The following AHNAK variants were observed in gnomAD, a reference collection of about 807,000 sequenced individuals.
The protein encoded by AHNAK is neuroblast differentiation-associated protein AHNAK.
In AHNAK, 23 loss-of-function variants were observed where a neutral mutation model predicts 37.8. That is an observed-to-expected ratio of 0.61 (90% CI 0.44 to 0.86). AHNAK has a LOEUF of 0.86. AHNAK is among the 40% of genes least tolerant of loss of function. The pLI is 0.00. For synonymous variants in AHNAK, 2,481 were observed against 2,636.3 expected, an observed-to-expected ratio of 0.94 and a Z score of 1.80; for missense variants, 7,411 against 7,319.4, an observed-to-expected ratio of 1.01 and a Z score of -0.46.
intron 3 of AHNAK, among the ~76,000 whole-genome samples, 175 bp from the exon 4 acceptor site, chr11:62,535,365 G>A (rs139285207): frequency 3.1e-4 from 47 of 152,208 alleles, no homozygotes; most frequent in African/African-American, 1.1e-3. Flanking sequence ...CCAATTTGTG[G>A]GGGCCAGGTG....
At chr11:62,510,043 GTTTTGTTTGT>G (rs1317589826) in intron 4 of AHNAK, among the ~76,000 whole-genome samples, 1 of 149,922 alleles carries the variant, frequency 6.7e-6, no homozygotes, top group East Asian at 2.0e-4. Context: ...TTGTATTGGA[GTTTTGTTTGT>G]TTGTTTGTTT....
intron 5 of AHNAK, among the ~76,000 whole-genome samples, chr11:62,478,867 A>ATTTT (rs1231686220): frequency 6.6e-6 from 1 of 151,058 alleles, no homozygotes; most frequent in African/African-American, 2.4e-5. Context: ...TGTTTCACTA[A>ATTTT]TTTTTTTTGT....
rs778703548 is a variant in AHNAK, at chr11:62,521,421, C to T, written c.12996G>A (p.Glu4332=). 43 of 1,613,798 alleles carry T rather than the reference C, an allele frequency of 2.7e-5. No homozygotes were observed. The highest frequency in any genetic ancestry group is 3.5e-5 in the Non-Finnish European group (41 of 1,180,000). The stretch of plus-strand genomic sequence containing the variant: ...GAAGGGTAACATCCACATCTGGGCC[C>T]TCTCCTTTGAATCCTGGCATGCTGA... The part of the protein sequence containing the change: ...PKFSMPGFKG[E]GPDVDVTLPK... Residue 4332 remains glutamate, a synonymous_variant, in exon 5 of 5, where the codon GAG becomes GAA. Transcript: ENST00000378024.
chr11:62,497,033 G>A (rs1350837702), intron 4 of AHNAK, among the ~76,000 whole-genome samples: 2 of 152,144 alleles, frequency 1.3e-5, no homozygotes, highest in Non-Finnish European at 2.9e-5. Context: ...CTTTTAAAAT[G>A]TACTTATCTG....
intron 5 of AHNAK, among the ~76,000 whole-genome samples, chr11:62,473,388 T>TA (rs34585695): frequency 1.0e-3 from 33 of 31,842 alleles, no homozygotes; most frequent in East Asian, 6.2e-3. Context: ...AGACTCCATC[T>TA]AAAAAAAAAA....
intron 1 of AHNAK, among the ~76,000 whole-genome samples, chr11:62,539,070 G>A (rs1164030140): frequency 6.6e-6 from 1 of 152,174 alleles, no homozygotes; most frequent in East Asian, 1.9e-4. Context: ...GAGCCTCTGG[G>A]CTCAGGTGCA....
In AHNAK at chr11:62,529,190, C is replaced by T. The variant is rs1555035723; in HGVS notation, c.5227G>A (p.Val1743Met). 35 of 1,614,116 alleles carry T rather than the reference C, an allele frequency of 2.2e-5. 1 individual carries two copies. In the Admixed American group the frequency reaches 5.8e-4, roughly 27 times the overall value. Residue 1743 changes from valine (V) to methionine (M), a missense_variant, in exon 5 of 5, where the codon GTG becomes ATG. Transcript: ENST00000378024. Reference protein sequence around the residue: ...DVNLPKADIDVSGPSVDTDAP... With the variant: ...DVNLPKADIDMSGPSVDTDAP... Reference sequence around the variant, plus strand: ...TCAGTGTCCACACTGGGTCCAGACACATCAATGTCAGCCTTTGGCAGATTC... The same window carrying T: ...TCAGTGTCCACACTGGGTCCAGACATATCAATGTCAGCCTTTGGCAGATTC...
intron 5 of AHNAK, among the ~76,000 whole-genome samples, chr11:62,476,643 A>C (rs185885790): frequency 6.6e-6 from 1 of 152,318 alleles, no homozygotes; most frequent in East Asian, 1.9e-4. Flanking sequence ...AACAAACAAA[A>C]AAAAACATCA....
At chr11:62,497,670 CT>C (rs1939634435) in intron 4 of AHNAK, among the ~76,000 whole-genome samples, 1 of 152,128 alleles carries the variant, frequency 6.6e-6, no homozygotes, top group African/African-American at 2.4e-5. Context: ...ATCATAGAAA[CT>C]GGTAATAGGC....
chr11:62,510,255 G>A (rs1939886220), intron 4 of AHNAK, among the ~76,000 whole-genome samples: 1 of 151,682 alleles, frequency 6.6e-6, no homozygotes, highest in East Asian at 2.0e-4. Context: ...ATGTTGGCCA[G>A]GCTGGTCTGG....
At chr11:62,496,839 G>A (rs919769116) in intron 4 of AHNAK, among the ~76,000 whole-genome samples, 1 of 149,886 alleles carries the variant, frequency 6.7e-6, no homozygotes, top group Non-Finnish European at 1.5e-5. Context: ...AGAAAGGAAG[G>A]AAGGAAGAAA....
chr11:62,531,152 CAG>C lies in AHNAK; in HGVS notation c.3263_3264del (p.Ser1088CysfsTer7). 6.2e-7 allele frequency: 1 copy of C among 1,614,122 alleles called. No individual in the cohort carries two copies. Among genetic ancestry groups the C allele is most frequent in the Non-Finnish European group, 8.5e-7 (1 of 1,180,006 alleles). On this transcript the variant is annotated frameshift_variant, in exon 5 of 5. Transcript: ENST00000378024. LOFTEE classifies it low-confidence loss of function (END_TRUNC). Reference protein sequence around the residue: ...GPKMKGNVDISAPKIEGEMQV... With the variant: ...GPKMKGNVDIXAPKIEGEMQV... ...TGCATTTCACCCTCTATCTTTGGTGCAGAGATATCTACATTTCCTTTCATTTT... is the reference window on the plus strand; with the variant it reads ...TGCATTTCACCCTCTATCTTTGGTGCAGATATCTACATTTCCTTTCATTTT...
intron 5 of AHNAK, among the ~76,000 whole-genome samples, chr11:62,474,570 G>C (rs1013559432): frequency 6.9e-6 from 1 of 143,954 alleles, no homozygotes; most frequent in Non-Finnish European, 1.5e-5. Flanking sequence ...TCTTAGCTGC[G>C]TAAGCTCGGC....
In AHNAK at chr11:62,519,140, C is replaced by T. The variant is rs776994482; in HGVS notation, c.15277G>A (p.Val5093Ile). ...TTAGGTGATTTAATGTCAAACTCTA[C>T]ATCTGGGAAGTACATTTTTCCAAAC... ...TMFGKMYFPD[V>I]EFDIKSPKFK... Residue 5093 changes from valine to isoleucine, a missense_variant, in exon 5 of 5, where the codon GTA becomes ATA. Coordinates refer to ENST00000378024, the MANE Select transcript of AHNAK (RefSeq NM_001620.3). 9.3e-6 allele frequency: 15 copies of T among 1,613,784 alleles called. No individual in the cohort carries two copies. In the African/African-American group the frequency reaches 1.6e-4, roughly 17 times the overall value.
At chr11:62,542,779 C>T (rs1037398632) in intron 1 of AHNAK, among the ~76,000 whole-genome samples, 2 of 152,230 alleles carry the variant, frequency 1.3e-5, no homozygotes, top group Non-Finnish European at 2.9e-5. Context: ...TTACCCAGAA[C>T]CACTGGGATT....
rs1355145553 is a variant in AHNAK, at chr11:62,519,760, T to C, written c.14657A>G (p.Lys4886Arg). 1.2e-6 allele frequency: 2 copies of C among 1,613,142 alleles called. No homozygotes were observed. Among genetic ancestry groups the C allele is most frequent in the Non-Finnish European group, 1.7e-6 (2 of 1,179,530 alleles). The change falls in exon 5 of 5, where the codon AAA (lysine) becomes AGA (arginine). Residue 4886 changes from lysine (K) to arginine (R), a missense_variant. By Grantham distance (26) the Lys-to-Arg change is conservative. Coordinates refer to ENST00000378024, the MANE Select transcript of AHNAK (RefSeq NM_001620.3). The part of the protein sequence containing the change: ...GTLKGPEVDL[K>R]GPRLDFEGPD... ...GCCTTCGAAATCCAGACGTGGACCTTTAAGATCTACTTCTGGGCCTTTCAA... is the reference window on the plus strand; with the variant it reads ...GCCTTCGAAATCCAGACGTGGACCTCTAAGATCTACTTCTGGGCCTTTCAA...
chr11:62,497,385 G>A (rs1407882142), intron 4 of AHNAK, among the ~76,000 whole-genome samples: 2 of 152,170 alleles, frequency 1.3e-5, no homozygotes, highest in Non-Finnish European at 2.9e-5. Flanking sequence ...GATAAGGAAG[G>A]GAAGGGGGAG....
chr11:62,501,754 C>T (rs1939716473), intron 4 of AHNAK, among the ~76,000 whole-genome samples: 1 of 152,302 alleles, frequency 6.6e-6, no homozygotes, highest in African/African-American at 2.4e-5. Context: ...CAGCGCTGGA[C>T]GCTGGCCACG....
At chr11:62,462,740 G>C (rs1389500440) in intron 5 of AHNAK, among the ~76,000 whole-genome samples, 1 of 152,164 alleles carries the variant, frequency 6.6e-6, no homozygotes, top group Non-Finnish European at 1.5e-5. Context: ...GGTTACAAAG[G>C]GTTTCGACAA....
Sources: allele counts gnomAD v4.1 joint callset (sites outside exome capture counted in the v4.1 genomes callset), GRCh38; gene constraint gnomAD v4.1.1; transcripts MANE v1.5; gene names NCBI Gene and HGNC (gene_info 2026-07-23, HGNC 2026-07-21).